The following EVI5 variants were observed in gnomAD, a reference collection of about 807,000 sequenced individuals.
EVI5 encodes ecotropic viral integration site 5, also known as ecotropic viral integration site 5 protein homolog.
Under a neutral mutation model 112.0 loss-of-function variants are expected in EVI5, and 73 were observed. The ratio of observed to expected loss-of-function variants is 0.65; its 90% CI spans 0.54 to 0.79. EVI5 has a LOEUF of 0.79. EVI5 is among the 30% of genes least tolerant of loss of function. EVI5 has a pLI of 0.00. For missense variants in EVI5, 900 were observed against 968.8 expected, an observed-to-expected ratio of 0.93 and a Z score of 0.94; for synonymous variants, 305 against 319.9, an observed-to-expected ratio of 0.95 and a Z score of 0.50.
chr1:92,666,713 A>G (rs78554145), intron 10 of EVI5, among the ~76,000 whole-genome samples: 4,000 of 152,062 alleles, frequency 0.026, 157 homozygotes, highest in African/African-American at 0.082. Context: ...AGAGAAATAA[A>G]TACACCACAG....
At chr1:92,720,249 A>C (rs1004683920) in intron 2 of EVI5, among the ~76,000 whole-genome samples, 1 of 152,024 alleles carries the variant, frequency 6.6e-6, no homozygotes, top group African/African-American at 2.4e-5. Flanking sequence ...CAAAGCTGGA[A>C]GCATCATGCC....
rs113266580 is a variant in EVI5 at position 92,670,936 on chromosome 1, G to C, written c.1159-4944C>G. Among the ~76,000 whole-genome samples, 1,042 of 151,692 alleles carry C rather than the reference G, an allele frequency of 6.9e-3. 18 individuals are homozygous for C. The highest frequency in any genetic ancestry group is 0.024 in the African/African-American group (995 of 41,344). On this transcript the variant is annotated intron_variant, in intron 10 of 19. Transcript: ENST00000684568. Reference sequence around the variant, plus strand: ...ATCTCCTAACTTCGCACTAAATTCCGTATCTTCCTGACTCCAGTGATTATC... The same window carrying C: ...ATCTCCTAACTTCGCACTAAATTCCCTATCTTCCTGACTCCAGTGATTATC...
intron 18 of EVI5, among the ~76,000 whole-genome samples, chr1:92,574,546 A>C (rs1456115503): frequency 6.6e-6 from 1 of 152,200 alleles, no homozygotes; most frequent in Admixed American, 6.5e-5. Context: ...TGCTTTGAGC[A>C]AGTGTTTGGG....
At chr1:92,646,959 A>G (rs1661080126) in intron 13 of EVI5, 1 of 215,116 alleles carries the variant, frequency 4.6e-6, no homozygotes, top group Non-Finnish European at 9.9e-6. Context: ...GGCAACAGAC[A>G]TTTCTCAAAC....
intron 18 of EVI5, among the ~76,000 whole-genome samples, chr1:92,599,522 C>A (rs1648668668): frequency 6.6e-6 from 1 of 151,630 alleles, no homozygotes; most frequent in African/African-American, 2.4e-5. Context: ...AAAAATATAC[C>A]TCTATATATC....
In EVI5 at chr1:92,762,166, C is replaced by A. The variant is rs1016897925; in HGVS notation, c.-82+22670G>T. Among the ~76,000 whole-genome samples, 9 of 152,256 alleles carry A rather than the reference C, an allele frequency of 5.9e-5. 1 individual carries two copies. Among genetic ancestry groups the A allele is most frequent in the Admixed American group, 3.9e-4 (6 of 15,294 alleles). On this transcript the variant is annotated intron_variant, in intron 1 of 19. Coordinates refer to ENST00000684568, the MANE Select transcript of EVI5 (RefSeq NM_001350197.2). The stretch of plus-strand genomic sequence containing the variant: ...AATGGTAACACGACAATTATCTTTT[C>A]TTAGATGTCTATATGGCATGTTTCT...
chr1:92,783,240 C>T (rs1685090758), intron 1 of EVI5, among the ~76,000 whole-genome samples: 1 of 151,986 alleles, frequency 6.6e-6, no homozygotes, highest in Non-Finnish European at 1.5e-5. Flanking sequence ...AAAAAGACCA[C>T]CTGGGCCAGG....
chr1:92,657,269 A>T (rs1356842534), intron 13 of EVI5, among the ~76,000 whole-genome samples: 1 of 152,190 alleles, frequency 6.6e-6, no homozygotes. Context: ...CAGAACTAAA[A>T]ACAAAAACTG....
Position 92,588,896 on chromosome 1 carries a change from G to A in EVI5, c.2070+16411C>T, listed in dbSNP as rs1391867540. 5.3e-5 allele frequency among the ~76,000 whole-genome samples: 8 copies of A among 152,302 alleles called. No homozygotes were observed. The South Asian group carries it at 1.5e-3, about 28-fold the overall frequency. On this transcript the variant is annotated intron_variant, in intron 18 of 19. Transcript: ENST00000684568. ...TTCAGTAAATAAACATATTTTGACTGTGGCTAGTATGCCGATATTGGAAAT... is the reference window on the plus strand; with the variant it reads ...TTCAGTAAATAAACATATTTTGACTATGGCTAGTATGCCGATATTGGAAAT...
chr1:92,778,924 T>A (rs1384788280), intron 1 of EVI5, among the ~76,000 whole-genome samples: 1 of 152,192 alleles, frequency 6.6e-6, no homozygotes, highest in Non-Finnish European at 1.5e-5. Flanking sequence ...TTTTTAACTA[T>A]CCCTACCTGG....
chr1:92,699,568 G>T (rs985565264), intron 5 of EVI5, among the ~76,000 whole-genome samples: 1 of 152,146 alleles, frequency 6.6e-6, no homozygotes, highest in Admixed American at 6.5e-5. Context: ...TATGTCCTCA[G>T]GCGATTTAAT....
At chr1:92,681,900 T>A (rs915942156) in intron 9 of EVI5, among the ~76,000 whole-genome samples, 2 of 152,184 alleles carry the variant, frequency 1.3e-5, no homozygotes, top group African/African-American at 4.8e-5. Context: ...TAAATACCCC[T>A]AGCACCCTAC....
chr1:92,629,260 C>T lies in EVI5; in HGVS notation c.1528-3326G>A, dbSNP rs899099827. ...GCTTTCTAGCAAAATTATTCCATTA[C>T]TGATTCTAGTTACACTTGTTCTGTT... On this transcript the variant is annotated intron_variant, in intron 14 of 19. Coordinates refer to ENST00000684568, the MANE Select transcript of EVI5 (RefSeq NM_001350197.2). Among the ~76,000 whole-genome samples, 4 of 152,180 alleles carry T rather than the reference C, an allele frequency of 2.6e-5. No individual in the cohort carries two copies. In the South Asian group the frequency reaches 6.2e-4, roughly 24 times the overall value.
At chr1:92,538,569 T>C (rs1237758825) in intron 19 of EVI5, among the ~76,000 whole-genome samples, 4 of 152,170 alleles carry the variant, frequency 2.6e-5, no homozygotes, top group Non-Finnish European at 4.4e-5. Flanking sequence ...GTGACAAGTG[T>C]TGTGATGCTG....
At chr1:92,724,054 G>A (rs1675177511) in intron 2 of EVI5, among the ~76,000 whole-genome samples, 1 of 152,156 alleles carries the variant, frequency 6.6e-6, no homozygotes, top group African/African-American at 2.4e-5. Context: ...GACAATGCGT[G>A]CACAGTGGGA....
chr1:92,786,712 C>T (rs1685665732), upstream of EVI5, among the ~76,000 whole-genome samples: 1 of 152,090 alleles, frequency 6.6e-6, no homozygotes, highest in African/African-American at 2.4e-5. Context: ...ACAGTGTGAC[C>T]CTGTCACTTC....
At chr1:92,672,553 T>C (rs1183427250) in intron 10 of EVI5, among the ~76,000 whole-genome samples, 2 of 152,220 alleles carry the variant, frequency 1.3e-5, no homozygotes, top group Non-Finnish European at 2.9e-5. Context: ...GAGGTTATTT[T>C]TTCTCCTTAA....
intron 14 of EVI5, among the ~76,000 whole-genome samples, chr1:92,629,375 T>C (rs1418911214): frequency 6.6e-6 from 1 of 152,056 alleles, no homozygotes; most frequent in Non-Finnish European, 1.5e-5. Context: ...TACCTAAGAG[T>C]AAAAAGGAAC....
upstream of EVI5, chr1:92,785,154 C>G (rs542168280): frequency 7.5e-5 from 73 of 973,666 alleles, no homozygotes; most frequent in Non-Finnish European, 6.5e-5. Flanking sequence ...GCAGCCTCTA[C>G]CGCAGAATGG....
Sources: gnomAD v4.1 joint callset for allele counts (sites outside exome capture counted in the v4.1 genomes callset) on GRCh38, gnomAD v4.1.1 for gene constraint, MANE v1.5 for transcripts, NCBI Gene and HGNC (gene_info 2026-07-23, HGNC 2026-07-21) for gene names.